The following HSPA4 variants were observed in gnomAD, a reference collection of about 807,000 sequenced individuals.
HSPA4 encodes heat shock 70 kDa protein 4.
A neutral mutation model predicts 106.2 loss-of-function variants in HSPA4; 25 were observed. The observed-to-expected ratio is 0.24, with a 90% CI of 0.17 to 0.33. The LOEUF is 0.33. HSPA4 is among the 10% of genes least tolerant of loss of function. HSPA4 has a pLI of 1.00. For missense variants in HSPA4, 841 were observed against 996.0 expected (o/e 0.84, Z 2.10); for synonymous variants, 332 against 333.6 (o/e 1.00, Z 0.05).
intron 14 of HSPA4, 70 bp from the exon 15 acceptor site, chr5:133,097,091 T>C (rs1440475043): frequency 8.7e-6 from 11 of 1,268,386 alleles, no homozygotes; most frequent in Non-Finnish European, 1.2e-5. Flanking sequence ...TCTACTTTTA[T>C]AATTATATTG....
At chr5:133,097,369 A>G in intron 15 of HSPA4, 83 bp downstream of exon 15, 2 of 1,233,952 alleles carry the variant, frequency 1.6e-6, no homozygotes, top group South Asian at 1.4e-5. Context: ...GTGCAGCTAT[A>G]TGTGTATAGT....
chr5:133,072,591 G>A (rs755276319), intron 4 of HSPA4, among the ~76,000 whole-genome samples: 20 of 145,544 alleles, frequency 1.4e-4, no homozygotes, highest in Non-Finnish European at 2.1e-4. Flanking sequence ...ATTTTTTGTA[G>A]AGATGGGGTT....
At position 133,055,307 on chromosome 5, in the gene HSPA4, ATTTTTTTTTTTTTTTTT is replaced by A. The variant is rs397999293; in HGVS notation, c.107+2965_107+2981del. ...ATAGAAAATGGTAGCAGGAAGGTTG[ATTTTTTTTTTTTTTTTT>A]TTTTTTTTTTTTTTGGTAGCGGTTA... is the stretch of plus-strand genomic sequence containing the variant. On this transcript the variant is annotated intron_variant, in intron 1 of 18. Transcript: ENST00000304858. Among the ~76,000 whole-genome samples the A allele has an allele frequency of 1.8e-4, 11 of 60,108 alleles. No individual in the cohort carries two copies. In the East Asian group the frequency reaches 3.0e-3, roughly 16 times the overall value. 39.4% of individuals were successfully genotyped at this position (60,108 alleles called of 152,430 possible). A position where few individuals can be genotyped will look rare whatever the true frequency, so the allele number is the denominator to read the frequency against.
intron 1 of HSPA4, among the ~76,000 whole-genome samples, chr5:133,053,715 A>G (rs1315948538): frequency 2.0e-5 from 3 of 150,936 alleles, no homozygotes; most frequent in African/African-American, 7.3e-5. Flanking sequence ...GCTGGAGTGC[A>G]GTGGCATGCT....
chr5:133,052,467 C>G (rs1281169748), intron 1 of HSPA4, 110 bp downstream of exon 1: 2 of 723,136 alleles, frequency 2.8e-6, no homozygotes, highest in South Asian at 1.9e-5. Context: ...GCCTCCGTTC[C>G]GAGCCGAGGT....
chr5:133,078,454 G>T (rs957459338), intron 7 of HSPA4, among the ~76,000 whole-genome samples: 2 of 151,632 alleles, frequency 1.3e-5, no homozygotes, highest in African/African-American at 4.8e-5. Context: ...AGCCAACGAG[G>T]TGAAACTCTT....
At chr5:133,074,531 G>C (rs551935743) in intron 6 of HSPA4, among the ~76,000 whole-genome samples, 1 of 152,322 alleles carries the variant, frequency 6.6e-6, no homozygotes, top group South Asian at 2.1e-4. Flanking sequence ...ACCTGCCTCG[G>C]CCTCCCAAAG....
chr5:133,060,354 A>G (rs1052301947), intron 1 of HSPA4, among the ~76,000 whole-genome samples: 2 of 150,596 alleles, frequency 1.3e-5, no homozygotes, highest in African/African-American at 4.9e-5. Flanking sequence ...AAATCCTTCA[A>G]TTTGTGCTGT....
At position 133,104,298 on chromosome 5, in the gene HSPA4, G is replaced by C. The variant is rs772728274; in HGVS notation, c.2385G>C (p.Glu795Asp). Residue 795 changes from glutamate to aspartate, a missense_variant, in exon 19 of 19, where the codon GAG becomes GAC. By Grantham distance (45) the Glu-to-Asp change is conservative (BLOSUM62 2). Around this residue, in one of 5 missense-constraint regions of HSPA4, gnomAD observed 328 missense variants for 372.2 expected, o/e 0.88. Coordinates refer to ENST00000304858, the MANE Select transcript of HSPA4 (RefSeq NM_002154.4). Reference sequence around the variant, plus strand: ...AACCCAAAGTGGAACCTCCAAAAGAGGAACAAAAAAATGCAGAGCAGAATG... The same window carrying C: ...AACCCAAAGTGGAACCTCCAAAAGACGAACAAAAAAATGCAGAGCAGAATG... ...KPKPKVEPPK[E>D]EQKNAEQNGP... 1 of 1,614,020 alleles carries C rather than the reference G, an allele frequency of 6.2e-7. No homozygotes were observed. The highest frequency in any genetic ancestry group is 1.7e-5 in the Admixed American group (1 of 60,008).
intron 15 of HSPA4, among the ~76,000 whole-genome samples, chr5:133,097,911 G>GTTTT (rs1315201113): frequency 7.1e-6 from 1 of 141,500 alleles, no homozygotes. Flanking sequence ...AGAATTTTTA[G>GTTTT]TTTTTTTTTT....
chr5:133,085,489 TAAAAAAAA>T (rs747012950), intron 7 of HSPA4, among the ~76,000 whole-genome samples: 1 of 110,286 alleles, frequency 9.1e-6, no homozygotes, highest in African/African-American at 5.0e-5. Flanking sequence ...CCATCTCTAC[TAAAAAAAA>T]AAAAATACAA....
chr5:133,099,728 A>G, intron 16 of HSPA4, 76 bp downstream of exon 16: 1 of 673,154 alleles, frequency 1.5e-6, no homozygotes, highest in Non-Finnish European at 2.7e-6. Flanking sequence ...TTTGGGAGGA[A>G]TTCTCAAGTA....
intron 4 of HSPA4, among the ~76,000 whole-genome samples, chr5:133,072,594 A>G (rs1307491999): frequency 6.9e-6 from 1 of 144,736 alleles, no homozygotes; most frequent in East Asian, 2.0e-4. Context: ...TTTTGTAGAG[A>G]TGGGGTTTCA....
At chr5:133,057,719 C>G (rs1026090685) in intron 1 of HSPA4, among the ~76,000 whole-genome samples, 6 of 152,108 alleles carry the variant, frequency 3.9e-5, no homozygotes, top group African/African-American at 7.2e-5. Flanking sequence ...GGATCTTAAA[C>G]TTGATTTGAA....
In HSPA4 at chr5:133,076,548, ACCCT is replaced by A. The variant is rs373259855; in HGVS notation, c.664-100_664-97del. 91 of 968,798 alleles carry A rather than the reference ACCCT, an allele frequency of 9.4e-5. No individual in the cohort carries two copies. In the African/African-American group the frequency reaches 1.3e-3, roughly 14 times the overall value. The allele number at this position is 968,798 out of a possible 1,614,324, so 60.0% of individuals were successfully genotyped here. On this transcript the variant is annotated intron_variant, in intron 6 of 18. Coordinates refer to ENST00000304858, the MANE Select transcript of HSPA4 (RefSeq NM_002154.4). Reference sequence around the variant, plus strand: ...ATTGCTTTGTTTTAACCTTAATGTAACCCTCCCTCTTTTTTTTTAGATAAACAAC... The same window carrying A: ...ATTGCTTTGTTTTAACCTTAATGTAACCCTCTTTTTTTTTAGATAAACAAC...
chr5:133,080,636 C>T (rs946983666), intron 7 of HSPA4, among the ~76,000 whole-genome samples: 4 of 151,682 alleles, frequency 2.6e-5, no homozygotes, highest in African/African-American at 9.7e-5. Context: ...GGAATTCCTA[C>T]ATAATTATGT....
Position 133,104,573 on chromosome 5 carries a change from G to A in HSPA4, c.*137G>A, listed in dbSNP as rs1432637554. 1 of 687,382 alleles carries A rather than the reference G, an allele frequency of 1.5e-6. No homozygotes were observed. Among genetic ancestry groups the A allele is most frequent in the Non-Finnish European group, 2.5e-6 (1 of 405,262 alleles). 42.6% of individuals were successfully genotyped at this position (687,382 alleles called of 1,614,324 possible). A position where few individuals can be genotyped will look rare whatever the true frequency, so the allele number is the denominator to read the frequency against. On this transcript the variant is annotated 3_prime_UTR_variant, in exon 19 of 19. Coordinates refer to ENST00000304858, the MANE Select transcript of HSPA4 (RefSeq NM_002154.4). ...AGGGGATTTTCGGGGAGGGGAAATA[G>A]GTAATGTATGGAGCATTTTCACTTC...
intron 15 of HSPA4, among the ~76,000 whole-genome samples, chr5:133,097,925 T>C (rs1327715446): frequency 6.6e-6 from 1 of 151,140 alleles, no homozygotes; most frequent in South Asian, 2.1e-4. Context: ...TTTTTTTTTT[T>C]TAATTTGAAT....
rs1765522309 is a variant in HSPA4 at position 133,082,297 on chromosome 5, G to A, written c.909-4485G>A. Among the ~76,000 whole-genome samples the A allele has an allele frequency of 3.9e-5, 6 of 152,166 alleles. No homozygotes were observed. The South Asian group carries it at 1.2e-3, about 32-fold the overall frequency. On this transcript the variant is annotated intron_variant, in intron 7 of 18. Coordinates refer to ENST00000304858, the MANE Select transcript of HSPA4 (RefSeq NM_002154.4). ...GAGGAAAGTAACAGTTAAGGGTGAT[G>A]AAAATATTCTTTTTTAGACTGAAAA...
Sources: gnomAD v4.1 joint callset for allele counts (sites outside exome capture counted in the v4.1 genomes callset) on GRCh38, gnomAD v4.1.1 for gene constraint, gnomAD v4.1.1 regional missense constraint, MANE v1.5 for transcripts, NCBI Gene and HGNC (gene_info 2026-07-23, HGNC 2026-07-21) for gene names.